The following CSDE1 variants were observed in gnomAD, a reference collection of about 807,000 sequenced individuals.
CSDE1 encodes cold shock domain-containing protein E1.
In CSDE1, 17 loss-of-function variants were observed where a neutral mutation model predicts 89.3. That is an observed-to-expected ratio of 0.19 (90% CI 0.13 to 0.29). The LOEUF (loss-of-function observed/expected upper bound fraction) is 0.29. Among genes scored for constraint, CSDE1 ranks in the 10% least tolerant of loss-of-function variants. The pLI is 1.00. For missense variants in CSDE1, 672 were observed against 984.2 expected, an observed-to-expected ratio of 0.68 and a Z score of 4.24; for synonymous variants, 322 against 332.8, an observed-to-expected ratio of 0.97 and a Z score of 0.35.
intron 16 of CSDE1, among the ~76,000 whole-genome samples, chr1:114,722,414 T>C (rs1659577732): frequency 6.6e-6 from 1 of 152,238 alleles, no homozygotes; most frequent in South Asian, 2.1e-4. Context: ...AAGTTATTTG[T>C]CCAAGATTAT....
chr1:114,742,070 C>T (rs1039911616), intron 2 of CSDE1, among the ~76,000 whole-genome samples: 1 of 152,076 alleles, frequency 6.6e-6, no homozygotes, highest in Non-Finnish European at 1.5e-5. Flanking sequence ...TAAAAATGAG[C>T]TTTTATAAAT....
intron 12 of CSDE1, among the ~76,000 whole-genome samples, chr1:114,728,037 C>T (rs2101027575): frequency 6.6e-6 from 1 of 152,332 alleles, no homozygotes; most frequent in African/African-American, 2.4e-5. Flanking sequence ...TTTTCCTCTT[C>T]TACCAATCAC....
At chr1:114,732,941 G>T in intron 9 of CSDE1, 125 bp from the exon 10 acceptor site, 2 of 759,500 alleles carry the variant, frequency 2.6e-6, no homozygotes, top group Non-Finnish European at 4.3e-6. Context: ...GAAAAAAGGT[G>T]TTGACAACAT....
intron 16 of CSDE1, 78 bp from the exon 17 acceptor site, chr1:114,720,795 CT>C (rs1659475023): frequency 2.4e-6 from 3 of 1,267,576 alleles, no homozygotes; most frequent in Non-Finnish European, 3.3e-6. Context: ...GTTTATATAA[CT>C]GCTAAAAATG....
intron 3 of CSDE1, among the ~76,000 whole-genome samples, chr1:114,738,983 A>C (rs1660567608): frequency 6.6e-6 from 1 of 151,084 alleles, no homozygotes; most frequent in Admixed American, 6.6e-5. Context: ...AGGCCTGTGA[A>C]ATAATTTGTA....
intron 3 of CSDE1, 58 bp downstream of exon 3, chr1:114,739,634 T>C (rs1447472499): frequency 6.2e-6 from 9 of 1,451,378 alleles, no homozygotes; most frequent in African/African-American, 1.4e-5. Flanking sequence ...CATGAACAAA[T>C]TGATATGCAA....
rs374116854 is a variant in CSDE1, at chr1:114,733,962, A to G, written c.711+27T>C. 1.9e-5 allele frequency: 30 copies of G among 1,606,860 alleles called. No individual in the cohort carries two copies. The Middle Eastern group carries it at 5.0e-4, about 27-fold the overall frequency. Reference sequence around the variant, plus strand: ...AAACCAACTCTGATCTTAAAAGGCCAAAGATCAAGTTAACTGACTGTCTTA... The same window carrying G: ...AAACCAACTCTGATCTTAAAAGGCCGAAGATCAAGTTAACTGACTGTCTTA... On this transcript the variant is annotated intron_variant, in intron 8 of 19. Transcript: ENST00000358528.
chr1:114,730,813 T>G lies in CSDE1; in HGVS notation c.1051-165A>C, dbSNP rs537454284. Among the ~76,000 whole-genome samples the G allele has an allele frequency of 1.1e-3, 165 of 152,372 alleles. 1 individual carries two copies. Among genetic ancestry groups the G allele is most frequent in the African/African-American group, 3.3e-3 (139 of 41,588 alleles). ...TCACTTAAGTACAAACTCATTGCTT[T>G]CAACAAAGTAACTTAACCTGAGCAA... On this transcript the variant is annotated intron_variant, in intron 10 of 19. Coordinates refer to ENST00000358528, the MANE Select transcript of CSDE1 (RefSeq NM_001007553.3).
At chr1:114,723,476 A>C (rs954716332) in intron 16 of CSDE1, among the ~76,000 whole-genome samples, 4 of 152,202 alleles carry the variant, frequency 2.6e-5, no homozygotes, top group Non-Finnish European at 5.9e-5. Context: ...ACATATGTGT[A>C]GTGTAGGGGG....
intron 1 of CSDE1, among the ~76,000 whole-genome samples, chr1:114,753,400 T>G (rs924945732): frequency 6.6e-6 from 1 of 152,220 alleles, no homozygotes; most frequent in Non-Finnish European, 1.5e-5. Flanking sequence ...CTGGCCGAAT[T>G]AACATCTTCA....
Position 114,719,455 on chromosome 1 carries a change from G to T in CSDE1, c.2216+124C>A, listed in dbSNP as rs143214428. The T allele has an allele frequency of 3.6e-3, 3,619 of 1,014,190 alleles. 11 individuals carry two copies. Among genetic ancestry groups the T allele is most frequent in the Non-Finnish European group, 4.6e-3 (3,297 of 715,390 alleles). The allele number at this position is 1,014,190 out of a possible 1,614,324, so 62.8% of individuals were successfully genotyped here. On this transcript the variant is annotated intron_variant, in intron 18 of 19. Coordinates refer to ENST00000358528, the MANE Select transcript of CSDE1 (RefSeq NM_001007553.3). ...ATCTTTTTGTATTCAACTAGAAGTA[G>T]GAAGTATCAAGAAATAATAAGTGGC...
At chr1:114,721,494 T>C (rs938532570) in intron 16 of CSDE1, among the ~76,000 whole-genome samples, 1 of 152,146 alleles carries the variant, frequency 6.6e-6, no homozygotes, top group East Asian at 1.9e-4. Flanking sequence ...TCCAGGCAAA[T>C]GTACTCAGTC....
chr1:114,727,121 A>T (rs370172547), intron 12 of CSDE1, 31 bp from the exon 13 acceptor site: 2 of 1,480,222 alleles, frequency 1.4e-6, no homozygotes, highest in African/African-American at 1.4e-5. Flanking sequence ...ACAGAATGAA[A>T]ACAATCTCAA....
In CSDE1 at chr1:114,732,625, G is replaced by C; in HGVS notation, c.1029C>G (p.Phe343Leu). 6.2e-7 allele frequency: 1 copy of C among 1,614,046 alleles called. No individual in the cohort carries two copies. The highest frequency in any genetic ancestry group is 8.5e-7 in the Non-Finnish European group (1 of 1,179,960). ...NIEVLSNTFQ[F>L]TNEAREMGVI... is the part of the protein sequence containing the mutation. ...TTACCATTTCTCGGGCTTCATTAGT[G>C]AACTGAAATGTATTTGACAGAACTT... The change falls in exon 10 of 20, where the codon TTC (phenylalanine) becomes TTG (leucine). Residue 343 changes from phenylalanine (F) to leucine (L), a missense_variant. Physicochemically the swap from Phe to Leu is conservative, Grantham distance 22. This residue lies in a region of CSDE1 where 169 missense variants were observed against 262.9 expected (regional missense o/e 0.64). Coordinates refer to ENST00000358528, the MANE Select transcript of CSDE1 (RefSeq NM_001007553.3).
rs981125952 is a variant in CSDE1, at chr1:114,755,893, AAC to A, written c.-388+2030_-388+2031del. 3.3e-4 allele frequency among the ~76,000 whole-genome samples: 50 copies of A among 152,344 alleles called. 1 individual carries two copies. The highest frequency in any genetic ancestry group is 3.4e-3 in the Middle Eastern group (1 of 294). Reference sequence around the variant, plus strand: ...ACCTTGTCGAAAGTATGGCTCTCACAACAGTTTCAATAGACTTAGTGCCACTG... The same window carrying A: ...ACCTTGTCGAAAGTATGGCTCTCACAAGTTTCAATAGACTTAGTGCCACTG... On this transcript the variant is annotated intron_variant, in intron 1 of 19. Transcript: ENST00000358528.
chr1:114,751,456 T>C (rs1661304089), intron 1 of CSDE1, among the ~76,000 whole-genome samples: 2 of 151,806 alleles, frequency 1.3e-5, no homozygotes, highest in African/African-American at 2.4e-5. Context: ...TCACTGGTAC[T>C]AGTAAATACC....
At chr1:114,723,236 C>T (rs921975685) in intron 16 of CSDE1, among the ~76,000 whole-genome samples, 4 of 152,180 alleles carry the variant, frequency 2.6e-5, no homozygotes, top group African/African-American at 4.8e-5. Context: ...TCCTAATCAT[C>T]TACAGAGTTC....
chr1:114,717,898 T>C lies in CSDE1; in HGVS notation c.*271A>G, dbSNP rs1659275510. On this transcript the variant is annotated 3_prime_UTR_variant, in exon 20 of 20. Transcript: ENST00000358528. ...TGGATTCTGCAATTACCAGTTGCGT[T>C]AAATGCACCAAATAAAGCTCCTAAA... 1.2e-5 allele frequency: 5 copies of C among 432,256 alleles called. No individual in the cohort carries two copies. The highest frequency in any genetic ancestry group is 2.0e-5 in the Non-Finnish European group (5 of 243,958). The allele number at this position is 432,256 out of a possible 1,614,324, so 26.8% of individuals were successfully genotyped here. A position where few individuals can be genotyped will look rare whatever the true frequency, so the allele number is the denominator to read the frequency against.
chr1:114,738,872 T>C (rs952214515), intron 3 of CSDE1, among the ~76,000 whole-genome samples: 1 of 151,904 alleles, frequency 6.6e-6, no homozygotes, highest in East Asian at 1.9e-4. Context: ...GGTTTTGCCA[T>C]GTTGCCCAGG....
Sources: gnomAD v4.1 joint callset for allele counts (sites outside exome capture counted in the v4.1 genomes callset) on GRCh38, gnomAD v4.1.1 for gene constraint, gnomAD v4.1.1 regional missense constraint, MANE v1.5 for transcripts, NCBI Gene and HGNC (gene_info 2026-07-23, HGNC 2026-07-21) for gene names.